The following KITLG variants were observed in gnomAD, a reference collection of about 807,000 sequenced individuals.
KITLG encodes the protein c-Kit ligand.
In KITLG, 13 loss-of-function variants were observed where a neutral mutation model predicts 34.1. That is an observed-to-expected ratio of 0.38 (90% confidence interval 0.25 to 0.61). The LOEUF (loss-of-function observed/expected upper bound fraction) is 0.61. Among genes scored for constraint, KITLG ranks in the 20% least tolerant of loss-of-function variants. KITLG has a pLI of 0.60. For missense variants in KITLG, 292 were observed against 318.9 expected (o/e 0.92, Z 0.64); for synonymous variants, 110 against 104.0 (o/e 1.06, Z -0.35).
At chr12:88,572,049 T>C (rs2120986132) in intron 1 of KITLG, among the ~76,000 whole-genome samples, 3 of 152,308 alleles carry the variant, frequency 2.0e-5, no homozygotes, top group Admixed American at 2.0e-4. Flanking sequence ...ATCAGGATGG[T>C]TTGATTTTAT....
chr12:88,574,487 T>C (rs1286654674), intron 1 of KITLG, among the ~76,000 whole-genome samples: 1 of 152,108 alleles, frequency 6.6e-6, no homozygotes, highest in Non-Finnish European at 1.5e-5. Context: ...TCTTTCCACC[T>C]CCGTGTCTCC....
chr12:88,548,677 C>T (rs566793177), intron 1 of KITLG, among the ~76,000 whole-genome samples: 9 of 152,206 alleles, frequency 5.9e-5, no homozygotes, highest in African/African-American at 1.7e-4. Flanking sequence ...AGCAGCTACC[C>T]CCACCAGTAC....
intron 6 of KITLG, among the ~76,000 whole-genome samples, chr12:88,512,424 A>G (rs1047565554): frequency 6.6e-6 from 1 of 152,104 alleles, no homozygotes; most frequent in African/African-American, 2.4e-5. Context: ...ATCTGCTAAC[A>G]TATATGCAAG....
intron 2 of KITLG, 57 bp downstream of exon 2, chr12:88,545,695 C>T (rs1870695408): frequency 1.0e-6 from 1 of 978,316 alleles, no homozygotes; most frequent in South Asian, 1.4e-5. Flanking sequence ...TCAACAAGCA[C>T]AGGAAAAAGA....
intron 9 of KITLG, among the ~76,000 whole-genome samples, chr12:88,504,863 C>A (rs572750659): frequency 1.3e-5 from 2 of 151,250 alleles, no homozygotes; most frequent in African/African-American, 4.9e-5. Context: ...AGCAAACTAT[C>A]GCAAGGACAG....
intron 3 of KITLG, among the ~76,000 whole-genome samples, chr12:88,531,717 C>T (rs1225705314): frequency 6.7e-6 from 1 of 148,824 alleles, no homozygotes; most frequent in Non-Finnish European, 1.5e-5. Context: ...ACACTGAAGT[C>T]CTTTTTTAGG....
intron 9 of KITLG, among the ~76,000 whole-genome samples, chr12:88,498,384 G>A (rs899917381): frequency 3.3e-4 from 50 of 152,082 alleles, no homozygotes; most frequent in African/African-American, 1.1e-3. Flanking sequence ...AACTCTAGAA[G>A]CTAGACAACC....
intron 1 of KITLG, among the ~76,000 whole-genome samples, chr12:88,552,430 T>A (rs2120930446): frequency 6.6e-6 from 1 of 151,774 alleles, no homozygotes; most frequent in East Asian, 1.9e-4. Flanking sequence ...GCTCAGGTAA[T>A]CCACCCACTT....
At chr12:88,526,786 A>G (rs1331268588) in intron 3 of KITLG, among the ~76,000 whole-genome samples, 1 of 151,710 alleles carries the variant, frequency 6.6e-6, no homozygotes, top group Non-Finnish European at 1.5e-5. Flanking sequence ...GCAAGAAGCT[A>G]TGTGGCAGCA....
chr12:88,506,963 GGAAAAAAAGATGATAATTTAT>G (rs1869086398), intron 7 of KITLG, 44 bp downstream of exon 7: 2 of 922,022 alleles, frequency 2.2e-6, no homozygotes, highest in Non-Finnish European at 3.6e-6. Flanking sequence ...CATTTCTTGA[GGAAAAAAAGATGATAATTTAT>G]GTAAACATAG....
chr12:88,538,305 G>T (rs2120893694), intron 2 of KITLG, among the ~76,000 whole-genome samples: 1 of 151,966 alleles, frequency 6.6e-6, no homozygotes, highest in East Asian at 1.9e-4. Context: ...TCAAATGGTA[G>T]GTAGTAAGGT....
chr12:88,500,856 T>G (rs1015494048), intron 9 of KITLG, among the ~76,000 whole-genome samples: 1 of 152,204 alleles, frequency 6.6e-6, no homozygotes, highest in Non-Finnish European at 1.5e-5. Context: ...CATGGCTTAT[T>G]ACAGCCTCAA....
At chr12:88,511,506 T>C (rs895183641) in intron 6 of KITLG, among the ~76,000 whole-genome samples, 4 of 152,242 alleles carry the variant, frequency 2.6e-5, no homozygotes, top group Non-Finnish European at 4.4e-5. Context: ...GGGCTGCCGA[T>C]GCAGCTGGAG....
At chr12:88,547,256 T>G (rs569803259) in intron 1 of KITLG, among the ~76,000 whole-genome samples, 1 of 152,220 alleles carries the variant, frequency 6.6e-6, no homozygotes, top group Non-Finnish European at 1.5e-5. Flanking sequence ...AACTAGATAT[T>G]ATACTAGAAC....
intron 1 of KITLG, among the ~76,000 whole-genome samples, chr12:88,552,740 G>C (rs1243898771): frequency 6.6e-6 from 1 of 151,378 alleles, no homozygotes; most frequent in Admixed American, 6.6e-5. Context: ...TTAAACAAAG[G>C]TTTCCAAGGG....
In KITLG at chr12:88,553,821, T is replaced by C. The variant is rs145941375; in HGVS notation, c.16-7956A>G. Among the ~76,000 whole-genome samples the C allele has an allele frequency of 4.1e-3, 617 of 152,300 alleles. 1 individual carries two copies. Among genetic ancestry groups the C allele is most frequent in the Middle Eastern group, 0.01 (3 of 294 alleles). On this transcript the variant is annotated intron_variant, in intron 1 of 9. Transcript: ENST00000644744. The stretch of plus-strand genomic sequence containing the variant: ...GGGAAGTAATACTGACTAAAATTTA[T>C]GTTAACATCAGTGACAGATGTGGCT...
At chr12:88,539,881 C>A (rs1438766679) in intron 2 of KITLG, among the ~76,000 whole-genome samples, 1 of 151,972 alleles carries the variant, frequency 6.6e-6, no homozygotes, top group South Asian at 2.1e-4. Flanking sequence ...GCCATGATTG[C>A]ACCACTGTAC....
At chr12:88,580,180 G>GTCCCAGGGAGCGCCGGCT (rs1338430244) in intron 1 of KITLG, 84 bp downstream of exon 1, 3 of 1,420,876 alleles carry the variant, frequency 2.1e-6, no homozygotes, top group African/African-American at 2.8e-5. Flanking sequence ...CCAGCTGCAA[G>GTCCCAGGGAGCGCCGGCT]TCCCAGGGAG....
chr12:88,502,615 G>A (rs754296616), intron 9 of KITLG, among the ~76,000 whole-genome samples: 29 of 152,194 alleles, frequency 1.9e-4, no homozygotes, highest in Non-Finnish European at 3.7e-4. Context: ...ACATTCATAA[G>A]TTGTTTGACT....
Sources: allele counts gnomAD v4.1 joint callset (sites outside exome capture counted in the v4.1 genomes callset), GRCh38; gene constraint gnomAD v4.1.1; transcripts MANE v1.5; gene names NCBI Gene and HGNC (gene_info 2026-07-23, HGNC 2026-07-21).